The following RAB27B variants were observed in gnomAD, a reference collection of about 807,000 sequenced individuals.
RAB27B encodes the protein ras-related protein Rab-27B.
In RAB27B, 15 loss-of-function variants were observed where a neutral mutation model predicts 24.6. That is an observed-to-expected ratio of 0.61 (90% CI 0.41 to 0.94). The LOEUF is 0.94. RAB27B is among the 40% of genes least tolerant of loss of function. The pLI is 0.00. For missense variants in RAB27B, 261 were observed against 266.8 expected, an observed-to-expected ratio of 0.98 and a Z score of 0.15; for synonymous variants, 105 against 92.5, an observed-to-expected ratio of 1.14 and a Z score of -0.78.
At chr18:54,837,896 G>A (rs1910958276) in intron 1 of RAB27B, among the ~76,000 whole-genome samples, 1 of 152,008 alleles carries the variant, frequency 6.6e-6, no homozygotes, top group Admixed American at 6.6e-5. Context: ...TTTCCTTCAT[G>A]CATAATTCTT....
intron 2 of RAB27B, among the ~76,000 whole-genome samples, chr18:54,794,466 G>A (rs1909351141): frequency 6.6e-6 from 1 of 152,180 alleles, no homozygotes; most frequent in Admixed American, 6.5e-5. Flanking sequence ...AGCTCTTACA[G>A]CGTAAAAACA....
At chr18:54,818,961 A>G (rs1910207348) in intron 2 of RAB27B, among the ~76,000 whole-genome samples, 2 of 151,888 alleles carry the variant, frequency 1.3e-5, no homozygotes, top group South Asian at 4.1e-4. Flanking sequence ...CATATTTTAT[A>G]TGAAGTATGT....
intron 2 of RAB27B, among the ~76,000 whole-genome samples, chr18:54,720,237 A>G (rs984959031): frequency 2.6e-5 from 4 of 152,128 alleles, no homozygotes; most frequent in African/African-American, 7.2e-5. Context: ...TACTTTGTCA[A>G]TGAGTTTGAT....
intron 2 of RAB27B, among the ~76,000 whole-genome samples, chr18:54,797,075 C>T (rs541317492): frequency 3.7e-4 from 57 of 152,222 alleles, no homozygotes; most frequent in Admixed American, 1.4e-3. Context: ...CTGTCAACAT[C>T]GAGAAAATAT....
intron 2 of RAB27B, among the ~76,000 whole-genome samples, chr18:54,792,621 G>A (rs531504402): frequency 2.0e-5 from 3 of 152,030 alleles, no homozygotes; most frequent in Admixed American, 2.0e-4. Flanking sequence ...CGTATTATTT[G>A]TTTCCTCTAG....
chr18:54,888,772 T>C (rs541696081), intron 5 of RAB27B, among the ~76,000 whole-genome samples: 1 of 152,194 alleles, frequency 6.6e-6, no homozygotes, highest in Non-Finnish European at 1.5e-5. Flanking sequence ...ACGTCTTTCT[T>C]GAAACTTTTA....
At chr18:54,824,563 A>G (rs937610245), upstream of RAB27B, among the ~76,000 whole-genome samples, 15 of 152,120 alleles carry the variant, frequency 9.9e-5, no homozygotes, top group African/African-American at 3.4e-4. Context: ...GCATCTGCGC[A>G]CTAGTAAGGG....
rs529510816 is a variant in RAB27B, at chr18:54,737,080, A to G, written c.-20+18939A>G. ...CATAAGTAAACCACCTCCAAATGACATGCTTCTCATTCACAATTGCTCAAA... is the reference window on the plus strand; with the variant it reads ...CATAAGTAAACCACCTCCAAATGACGTGCTTCTCATTCACAATTGCTCAAA... On this transcript the variant is annotated intron_variant, in intron 2 of 4. Transcript: ENST00000586570. 3.3e-5 allele frequency among the ~76,000 whole-genome samples: 5 copies of G among 152,272 alleles called. No homozygotes were observed. In the South Asian group the frequency reaches 1.0e-3, roughly 32 times the overall value.
intron 2 of RAB27B, among the ~76,000 whole-genome samples, chr18:54,819,701 A>T (rs570936090): frequency 3.3e-5 from 5 of 151,960 alleles, no homozygotes; most frequent in Non-Finnish European, 5.9e-5. Flanking sequence ...TACATGTGCC[A>T]TGTTGGTGTG....
intron 2 of RAB27B, 70 bp downstream of exon 2, chr18:54,877,808 G>T (rs1912768081): frequency 6.9e-7 from 1 of 1,445,318 alleles, no homozygotes; most frequent in South Asian, 1.4e-5. Context: ...AAGAAGCTAT[G>T]TTTATTGCAT....
intron 2 of RAB27B, among the ~76,000 whole-genome samples, chr18:54,738,053 G>A (rs1476493368): frequency 1.3e-5 from 2 of 152,034 alleles, no homozygotes; most frequent in Admixed American, 6.6e-5. Context: ...GCCAGACTTC[G>A]GAAGGTAAAG....
chr18:54,818,630 C>T (rs1910195092), intron 2 of RAB27B, among the ~76,000 whole-genome samples: 1 of 152,126 alleles, frequency 6.6e-6, no homozygotes, highest in African/African-American at 2.4e-5. Flanking sequence ...AGGTCCTACA[C>T]ACCACCATTC....
intron 2 of RAB27B, among the ~76,000 whole-genome samples, chr18:54,793,651 CAAAT>C (rs1909324400): frequency 1.3e-5 from 2 of 152,308 alleles, no homozygotes; most frequent in Admixed American, 6.5e-5. Flanking sequence ...TTGTGATGAA[CAAAT>C]AAAGTCTTCC....
At position 54,893,055 on chromosome 18, in the gene RAB27B, G is replaced by C. The variant is rs1264013431; in HGVS notation, c.*3642G>C. The C allele has an allele frequency of 6.6e-6, 1 of 152,046 alleles. No individual in the cohort carries two copies. Among genetic ancestry groups the C allele is most frequent in the African/African-American group, 2.4e-5 (1 of 41,434 alleles). 9.4% of individuals were successfully genotyped at this position (152,046 alleles called of 1,614,324 possible). The stretch of plus-strand genomic sequence containing the variant: ...AAGCCTGTCTGTCTCTTCACCAGTG[G>C]AGTGAGTGCAGCAGTTAGAAAGAGA... On this transcript the variant is annotated 3_prime_UTR_variant, in exon 6 of 6. Coordinates refer to ENST00000262094, the MANE Select transcript of RAB27B (RefSeq NM_004163.4).
At chr18:54,741,757 C>T (rs1378349864) in intron 2 of RAB27B, among the ~76,000 whole-genome samples, 2 of 152,180 alleles carry the variant, frequency 1.3e-5, no homozygotes, top group Non-Finnish European at 2.9e-5. Flanking sequence ...CCACCTCCAT[C>T]TCCCAAAGTG....
intron 1 of RAB27B, among the ~76,000 whole-genome samples, chr18:54,851,356 A>C (rs1911579832): frequency 6.6e-6 from 1 of 152,230 alleles, no homozygotes; most frequent in Non-Finnish European, 1.5e-5. Context: ...GTACAGTAGA[A>C]ACATATTTTT....
intron 2 of RAB27B, among the ~76,000 whole-genome samples, chr18:54,756,503 C>A (rs918131): frequency 2.0e-5 from 3 of 152,024 alleles, no homozygotes; most frequent in Non-Finnish European, 2.9e-5. Flanking sequence ...ACTTACCATA[C>A]TGTTATTCAG....
intron 3 of RAB27B, among the ~76,000 whole-genome samples, chr18:54,882,308 G>T (rs1598992212): frequency 6.6e-6 from 1 of 152,096 alleles, no homozygotes; most frequent in East Asian, 1.9e-4. Flanking sequence ...CACTTGCACT[G>T]TTTAACTTCA....
intron 2 of RAB27B, among the ~76,000 whole-genome samples, chr18:54,739,643 C>T (rs1910015054): frequency 6.6e-6 from 1 of 151,034 alleles, no homozygotes; most frequent in Non-Finnish European, 1.5e-5. Context: ...TGGTGAATAC[C>T]TAAGAGTGGA....
Sources: allele counts gnomAD v4.1 joint callset (sites outside exome capture counted in the v4.1 genomes callset), GRCh38; gene constraint gnomAD v4.1.1; transcripts MANE v1.5; gene names NCBI Gene and HGNC (gene_info 2026-07-23, HGNC 2026-07-21).